The following NDST4 variants were observed in gnomAD, a reference collection of about 807,000 sequenced individuals.
NDST4 encodes the protein N-deacetylase and N-sulfotransferase 4.
Under a neutral mutation model 100.8 loss-of-function variants are expected in NDST4, and 63 were observed. The ratio of observed to expected loss-of-function variants is 0.62; its 90% confidence interval spans 0.51 to 0.77. NDST4 has a LOEUF of 0.77. Among genes scored for constraint, NDST4 ranks in the 30% least tolerant of loss-of-function variants. The probability of loss-of-function intolerance (pLI) is 0.00; values close to 1 mark genes in which losing one functional copy is unlikely to be tolerated. For synonymous variants in NDST4, 377 were observed against 361.8 expected (o/e 1.04, Z -0.48); for missense variants, 943 against 1,018.4 (o/e 0.93, Z 1.01).
Position 114,999,911 on chromosome 4 carries a change from T to C in NDST4, c.979-22637A>G, listed in dbSNP as rs571172827. On this transcript the variant is annotated intron_variant, in intron 2 of 13. Transcript: ENST00000264363. Reference sequence around the variant, plus strand: ...GGGGAGGTGATCAGTGAAGGACCTATACTTATCAAAAAATCTTCTTTTTGC... The same window carrying C: ...GGGGAGGTGATCAGTGAAGGACCTACACTTATCAAAAAATCTTCTTTTTGC... Among the ~76,000 whole-genome samples, 516 of 152,108 alleles carry C rather than the reference T, an allele frequency of 3.4e-3. 3 individuals carry two copies. Among genetic ancestry groups the C allele is most frequent in the Non-Finnish European group, 4.0e-3 (274 of 67,960 alleles).
At chr4:114,937,710 T>C (rs779084869) in intron 4 of NDST4, among the ~76,000 whole-genome samples, 1 of 151,946 alleles carries the variant, frequency 6.6e-6, no homozygotes, top group Non-Finnish European at 1.5e-5. Flanking sequence ...ACTTTGGGCA[T>C]GTGGTGTGTG....
At chr4:114,876,408 C>G (rs142402543) in intron 6 of NDST4, among the ~76,000 whole-genome samples, 8 of 152,220 alleles carry the variant, frequency 5.3e-5, no homozygotes, top group Non-Finnish European at 1.2e-4. Context: ...GCATTGTACT[C>G]ACATTTTTCT....
At chr4:115,014,849 C>T (rs1727640714) in intron 2 of NDST4, among the ~76,000 whole-genome samples, 1 of 151,988 alleles carries the variant, frequency 6.6e-6, no homozygotes, top group Admixed American at 6.6e-5. Flanking sequence ...TAACCATTTG[C>T]CACAAAGTTA....
chr4:114,848,234 A>G lies in NDST4; in HGVS notation c.1921T>C (p.Tyr641His). The G allele has an allele frequency of 1.9e-6, 3 of 1,608,010 alleles. No individual in the cohort carries two copies. The highest frequency in any genetic ancestry group is 2.5e-6 in the Non-Finnish European group (3 of 1,178,130). ...TCTTACCAGTCTATTCCTTTGTGATAGTTGTTGCCATTAAAGAACTGAACT... is the reference window on the plus strand; with the variant it reads ...TCTTACCAGTCTATTCCTTTGTGATGGTTGTTGCCATTAAAGAACTGAACT... ...EEVQFFNGNN[Y>H]HKGIDWYMDF... Residue 641 changes from tyrosine (Y) to histidine (H), a missense_variant, in exon 9 of 14, where the codon TAT (tyrosine) becomes CAT (histidine). By Grantham distance (83) the Tyr-to-His change is moderately conservative. Coordinates refer to ENST00000264363, the MANE Select transcript of NDST4 (RefSeq NM_022569.3).
intron 6 of NDST4, among the ~76,000 whole-genome samples, chr4:114,909,837 T>A (rs1725028856): frequency 6.6e-6 from 1 of 152,132 alleles, no homozygotes; most frequent in African/African-American, 2.4e-5. Flanking sequence ...TTGATATGAG[T>A]AGCAAGATAT....
At chr4:114,875,865 T>C (rs998689598) in intron 6 of NDST4, among the ~76,000 whole-genome samples, 1 of 152,180 alleles carries the variant, frequency 6.6e-6, no homozygotes, top group African/African-American at 2.4e-5. Flanking sequence ...CCTACTTGTA[T>C]GACAAATAGA....
Position 115,076,416 on chromosome 4 carries a change from G to C in NDST4, c.621C>G (p.Ala207=). The change falls in exon 2 of 14, where the codon GCC becomes GCG. Residue 207 remains alanine (A), a synonymous_variant. Coordinates refer to ENST00000264363, the MANE Select transcript of NDST4 (RefSeq NM_022569.3). ...GAAGAGGGCCTTTCTCAACCTTGGG[G>C]GCTTTGGTAATATGCAGCAAAGGAG... ...PQSPLLHITK[A]PKVEKGPLPG... is the part of the protein sequence containing the mutation. The C allele has an allele frequency of 6.2e-7, 1 of 1,613,954 alleles. No individual in the cohort carries two copies. The highest frequency in any genetic ancestry group is 1.3e-5 in the African/African-American group (1 of 75,038).
intron 4 of NDST4, among the ~76,000 whole-genome samples, chr4:114,945,035 C>T (rs554071361): frequency 1.3e-5 from 2 of 151,722 alleles, no homozygotes; most frequent in African/African-American, 2.4e-5. Context: ...CATGGAGAAA[C>T]CCTGTCTCTA....
chr4:115,044,529 C>T (rs1039280651), intron 2 of NDST4, among the ~76,000 whole-genome samples: 2 of 151,652 alleles, frequency 1.3e-5, no homozygotes, highest in African/African-American at 4.8e-5. Flanking sequence ...AAGCCCATGG[C>T]AAGGCTAAAA....
chr4:115,063,121 G>A (rs990764581), intron 2 of NDST4, among the ~76,000 whole-genome samples: 2 of 151,902 alleles, frequency 1.3e-5, no homozygotes, highest in Non-Finnish European at 2.9e-5. Context: ...AAACTAAATG[G>A]TTTGTGCCAA....
intron 2 of NDST4, among the ~76,000 whole-genome samples, chr4:115,031,436 T>C (rs899308018): frequency 1.3e-5 from 2 of 152,198 alleles, no homozygotes; most frequent in South Asian, 4.1e-4. Context: ...AAGTGCAGAC[T>C]CTTCCCAGTA....
At chr4:115,093,298 A>C (rs953406622) in intron 1 of NDST4, among the ~76,000 whole-genome samples, 2 of 151,948 alleles carry the variant, frequency 1.3e-5, no homozygotes, top group Non-Finnish European at 2.9e-5. Flanking sequence ...ACACGGTGAA[A>C]CCCCATCTCT....
chr4:114,880,394 T>A (rs896700446), intron 6 of NDST4, among the ~76,000 whole-genome samples: 2 of 152,136 alleles, frequency 1.3e-5, no homozygotes, highest in African/African-American at 4.8e-5. Flanking sequence ...TTACTCTTTT[T>A]AAGAGATTAA....
intron 4 of NDST4, among the ~76,000 whole-genome samples, chr4:114,944,214 G>A (rs190458147): frequency 1.8e-4 from 28 of 152,258 alleles, no homozygotes; most frequent in Admixed American, 3.9e-4. Context: ...GTTGAGTCTG[G>A]CAAATGGAGA....
chr4:115,051,053 A>ATT (rs1728571218), intron 2 of NDST4, among the ~76,000 whole-genome samples: 1 of 152,086 alleles, frequency 6.6e-6, no homozygotes, highest in Admixed American at 6.6e-5. Flanking sequence ...TCCAGATAGA[A>ATT]TTATTTATAA....
intron 11 of NDST4, among the ~76,000 whole-genome samples, chr4:114,837,316 T>TATGTTG (rs1195086597): frequency 2.0e-5 from 3 of 152,046 alleles, no homozygotes; most frequent in Non-Finnish European, 4.4e-5. Context: ...GGGGGTACTT[T>TATGTTG]ATGTTGATGT....
intron 4 of NDST4, among the ~76,000 whole-genome samples, chr4:114,969,142 T>C (rs1726448337): frequency 6.6e-6 from 1 of 151,720 alleles, no homozygotes; most frequent in Non-Finnish European, 1.5e-5. Flanking sequence ...TGAAACCCCG[T>C]CTCTACTAAA....
intron 3 of NDST4, among the ~76,000 whole-genome samples, chr4:114,975,049 A>ATTGTT (rs968049375): frequency 6.6e-6 from 1 of 152,070 alleles, no homozygotes; most frequent in Admixed American, 6.6e-5. Flanking sequence ...TTGATTTGCA[A>ATTGTT]TTGTTTTTTC....
At chr4:114,907,220 T>C (rs1724967354) in intron 6 of NDST4, among the ~76,000 whole-genome samples, 1 of 151,618 alleles carries the variant, frequency 6.6e-6, no homozygotes, top group African/African-American at 2.4e-5. Context: ...ATCTCATGCT[T>C]GTCCTTGGAT....
Sources: allele counts gnomAD v4.1 joint callset (sites outside exome capture counted in the v4.1 genomes callset), GRCh38; gene constraint gnomAD v4.1.1; transcripts MANE v1.5; gene names NCBI Gene and HGNC (gene_info 2026-07-23, HGNC 2026-07-21).